The following IQSEC1 variants were observed in gnomAD, a reference collection of about 807,000 sequenced individuals.
The protein encoded by IQSEC1 is IQ motif and Sec7 domain ArfGEF 1.
A neutral mutation model predicts 91.0 loss-of-function variants in IQSEC1; 31 were observed. That is an observed-to-expected ratio of 0.34 (90% CI 0.26 to 0.46). The LOEUF is 0.46. Among genes scored for constraint, IQSEC1 ranks in the 20% least tolerant of loss-of-function variants. The pLI is 1.00. For missense variants in IQSEC1, 1,388 were observed against 1,575.6 expected, an observed-to-expected ratio of 0.88 and a Z score of 2.02; for synonymous variants, 699 against 662.6, an observed-to-expected ratio of 1.05 and a Z score of -0.84.
chr3:13,191,401 C>T (rs894630529), intron 1 of IQSEC1, among the ~76,000 whole-genome samples: 1 of 150,818 alleles, frequency 6.6e-6, no homozygotes, highest in African/African-American at 2.4e-5. Flanking sequence ...AGCCGTGTTT[C>T]GGGCACTGCC....
intron 1 of IQSEC1, among the ~76,000 whole-genome samples, chr3:13,061,010 T>C (rs1214617867): frequency 1.3e-5 from 2 of 152,156 alleles, no homozygotes; most frequent in Admixed American, 6.5e-5. Flanking sequence ...TCTTTTCCCA[T>C]TACCTCCTAC....
chr3:13,029,631 G>A (rs1230578074), intron 1 of IQSEC1, among the ~76,000 whole-genome samples: 1 of 152,352 alleles, frequency 6.6e-6, no homozygotes, highest in Admixed American at 6.5e-5. Flanking sequence ...CCTGGGTCTT[G>A]CCGTCCAGGT....
At chr3:12,982,097 G>A (rs970410053) in intron 1 of IQSEC1, among the ~76,000 whole-genome samples, 15 of 152,208 alleles carry the variant, frequency 9.9e-5, no homozygotes, top group African/African-American at 3.4e-4. Context: ...ACCTGGGACT[G>A]GTGCTGAGTC....
At position 13,255,301 on chromosome 3, in the gene IQSEC1, T is replaced by G. The variant is rs189681200; in HGVS notation, c.272+27410A>C. Among the ~76,000 whole-genome samples the G allele has an allele frequency of 1.4e-4, 21 of 152,250 alleles. No homozygotes were observed. The East Asian group carries it at 3.9e-3, about 28-fold the overall frequency. ...GGGGTTCCTGAGGACGGCTCTGCCT[T>G]GTGAGACGGAGGTCTGTCCCCTGAT... On this transcript the variant is annotated intron_variant, in intron 1 of 15. Transcript: ENST00000648114.
chr3:12,913,493 G>T lies in IQSEC1; in HGVS notation c.2251C>A (p.Pro751Thr), dbSNP rs1387846801. 1 of 1,608,722 alleles carries T rather than the reference G, an allele frequency of 6.2e-7. No homozygotes were observed. The highest frequency in any genetic ancestry group is 1.1e-5 in the South Asian group (1 of 90,860). ...CYCRLFEVPD[P>T]NKPQKLGLHQ... ...AGTCCGAGTTTCTGGGGCTTGTTTG[G>T]GTCTGGAACCTCAAAGAGCCGGCAG... is the stretch of plus-strand genomic sequence containing the variant. The change falls in exon 9 of 14, where the codon CCA becomes ACA. Residue 751 changes from proline to threonine, a missense_variant. Coordinates refer to ENST00000613206, the MANE Select transcript of IQSEC1 (RefSeq NM_001134382.3).
intron 1 of IQSEC1, among the ~76,000 whole-genome samples, chr3:12,945,011 T>C (rs1200467461): frequency 3.3e-5 from 5 of 152,110 alleles, no homozygotes; most frequent in African/African-American, 9.7e-5. Flanking sequence ...TCCCTGATGG[T>C]TGGGGGTGAG....
At chr3:13,044,500 G>A (rs1380453058) in intron 1 of IQSEC1, among the ~76,000 whole-genome samples, 1 of 152,242 alleles carries the variant, frequency 6.6e-6, no homozygotes, top group Non-Finnish European at 1.5e-5. Flanking sequence ...GTCGGGGAGT[G>A]CGAGGCCAGA....
At chr3:12,977,167 C>T (rs1373664248) in intron 1 of IQSEC1, among the ~76,000 whole-genome samples, 3 of 151,870 alleles carry the variant, frequency 2.0e-5, no homozygotes, top group African/African-American at 7.3e-5. Flanking sequence ...GGCAACATGG[C>T]GAAACCTCAT....
chr3:13,171,785 G>A (rs1172518475), intron 1 of IQSEC1, among the ~76,000 whole-genome samples: 1 of 152,174 alleles, frequency 6.6e-6, no homozygotes, highest in Admixed American at 6.5e-5. Flanking sequence ...TGGGGCCAGA[G>A]CTCAGGGGTC....
chr3:12,976,807 C>T lies in IQSEC1; in HGVS notation c.24-34942G>A, dbSNP rs1191832989. On this transcript the variant is annotated intron_variant, in intron 1 of 13. Coordinates refer to ENST00000613206, the MANE Select transcript of IQSEC1 (RefSeq NM_001134382.3). ...TGCTGGACAGGTGAATCATGTTGAT[C>T]CAGATTCACTCTAGTTCAGGGACCA... is the stretch of plus-strand genomic sequence containing the variant. 2.6e-5 allele frequency among the ~76,000 whole-genome samples: 4 copies of T among 152,154 alleles called. No homozygotes were observed. The South Asian group carries it at 8.3e-4, about 31-fold the overall frequency.
chr3:13,269,527 C>A (rs1416187706), intron 1 of IQSEC1, among the ~76,000 whole-genome samples: 1 of 152,216 alleles, frequency 6.6e-6, no homozygotes, highest in South Asian at 2.1e-4. Flanking sequence ...CAGGTCCCTG[C>A]CCAAGAAGCA....
intron 1 of IQSEC1, among the ~76,000 whole-genome samples, chr3:13,058,326 G>T (rs998975678): frequency 2.6e-5 from 4 of 152,230 alleles, no homozygotes; most frequent in African/African-American, 9.6e-5. Flanking sequence ...CAGACACTGG[G>T]CTGGGCACTT....
At chr3:13,168,590 C>T (rs976448842) in intron 1 of IQSEC1, among the ~76,000 whole-genome samples, 11 of 152,282 alleles carry the variant, frequency 7.2e-5, no homozygotes, top group African/African-American at 2.6e-4. Flanking sequence ...AAGGTCTGGC[C>T]CTGCTCAGTC....
At chr3:13,169,880 T>A (rs1268884386) in intron 1 of IQSEC1, among the ~76,000 whole-genome samples, 1 of 152,160 alleles carries the variant, frequency 6.6e-6, no homozygotes, top group African/African-American at 2.4e-5. Flanking sequence ...GCATAAAAGT[T>A]TGGGAGATTT....
chr3:13,039,846 C>T (rs1704184715), intron 1 of IQSEC1, among the ~76,000 whole-genome samples: 1 of 152,204 alleles, frequency 6.6e-6, no homozygotes, highest in African/African-American at 2.4e-5. Context: ...GTGGACAGAC[C>T]GAGCTGCTCA....
chr3:13,057,938 A>G (rs1190557032), intron 1 of IQSEC1, among the ~76,000 whole-genome samples: 1 of 152,232 alleles, frequency 6.6e-6, no homozygotes, highest in Non-Finnish European at 1.5e-5. Flanking sequence ...GCAGGTGACA[A>G]AACAGCTCAG....
At chr3:13,070,065 G>A (rs573242489) in intron 1 of IQSEC1, among the ~76,000 whole-genome samples, 35 of 139,746 alleles carry the variant, frequency 2.5e-4, no homozygotes, top group Admixed American at 3.9e-4. Context: ...TGGAAGTGGC[G>A]AAAATGGAGG....
chr3:13,213,824 C>T (rs1694490051), intron 1 of IQSEC1, among the ~76,000 whole-genome samples: 1 of 152,124 alleles, frequency 6.6e-6, no homozygotes, highest in Non-Finnish European at 1.5e-5. Flanking sequence ...GAAATAAGTG[C>T]CTAGGCCATC....
chr3:13,227,396 AG>A (rs1360752683), intron 1 of IQSEC1, among the ~76,000 whole-genome samples: 1,689 of 145,014 alleles, frequency 0.012, 28 homozygotes, highest in African/African-American at 0.031. Flanking sequence ...AAAAAAAAAA[AG>A]AAAGAAAGAA....
Sources: allele counts gnomAD v4.1 joint callset (sites outside exome capture counted in the v4.1 genomes callset), GRCh38; gene constraint gnomAD v4.1.1; transcripts MANE v1.5; gene names NCBI Gene and HGNC (gene_info 2026-07-23, HGNC 2026-07-21).